Variants in DLG1 observed in about 807,000 individuals in gnomAD.
The protein encoded by DLG1 is discs large MAGUK scaffold protein 1.
In DLG1, 42 loss-of-function variants were observed where a neutral mutation model predicts 123.4. The ratio of observed to expected loss-of-function variants is 0.34; its 90% confidence interval spans 0.27 to 0.44. The LOEUF is 0.44. Among genes scored for constraint, DLG1 ranks in the 20% least tolerant of loss-of-function variants. DLG1 has a pLI of 1.00. For missense variants in DLG1, 942 were observed against 1,082.6 expected (o/e 0.87, Z 1.82); for synonymous variants, 317 against 356.2 (o/e 0.89, Z 1.24).
In DLG1 at chr3:197,068,499, G is replaced by A. The variant is rs1741304132; in HGVS notation, c.2047+720C>T. On this transcript the variant is annotated intron_variant, in intron 19 of 24. Transcript: ENST00000667157. ...ATTAGGGACTGATATTAACAGGATG[G>A]ACCTTTTGAGCAGCCATACTCATCT... 7 of 1,571,524 alleles carry A rather than the reference G, an allele frequency of 4.5e-6. No individual in the cohort carries two copies. In the South Asian group the frequency reaches 4.5e-5, roughly 10 times the overall value.
chr3:197,144,532 C>CTA (rs1364159106), intron 6 of DLG1, among the ~76,000 whole-genome samples: 1 of 152,166 alleles, frequency 6.6e-6, no homozygotes, highest in Non-Finnish European at 1.5e-5. Context: ...TTTTAAGCCC[C>CTA]TAAGCTTCAG....
At chr3:197,092,544 A>G (rs1375988909) in intron 14 of DLG1, among the ~76,000 whole-genome samples, 1 of 152,158 alleles carries the variant, frequency 6.6e-6, no homozygotes, top group Non-Finnish European at 1.5e-5. Flanking sequence ...CCTGTTGCCC[A>G]GGCTGGACTA....
chr3:197,070,930 G>T (rs1316992264), intron 18 of DLG1: 1 of 151,934 alleles, frequency 6.6e-6, no homozygotes, highest in Non-Finnish European at 1.5e-5. Context: ...CACCACATGG[G>T]CTTGACAGCA....
chr3:197,065,644 T>C (rs1264712488), intron 21 of DLG1, 64 bp downstream of exon 21: 9 of 1,244,596 alleles, frequency 7.2e-6, no homozygotes, highest in Non-Finnish European at 1.0e-5. Flanking sequence ...TATCTATTTT[T>C]CCCACACACA....
Position 197,043,099 on chromosome 3 carries a change from T to TAATA in DLG1, c.*1520_*1523dup, listed in dbSNP as rs1721107089. ...GCAATGGGAAGCCAAATATTATTAT[T>TAATA]AATATGAAGGACCAGAGAAACTGAT... On this transcript the variant is annotated 3_prime_UTR_variant, in exon 25 of 25. Coordinates refer to ENST00000667157, the MANE Select transcript of DLG1 (RefSeq NM_001366207.1). The TAATA allele has an allele frequency of 6.6e-6, 1 of 152,230 alleles. No homozygotes were observed. The highest frequency in any genetic ancestry group is 1.9e-4 in the East Asian group (1 of 5,202). 9.4% of individuals were successfully genotyped at this position (152,230 alleles called of 1,614,324 possible). A position where few individuals can be genotyped will look rare whatever the true frequency, so the allele number is the denominator to read the frequency against.
At chr3:197,272,835 G>C (rs963350173) in intron 4 of DLG1, among the ~76,000 whole-genome samples, 4 of 152,190 alleles carry the variant, frequency 2.6e-5, no homozygotes, top group Non-Finnish European at 5.9e-5. Context: ...AGGAAGAGGG[G>C]ATAGGTAGTA....
chr3:197,103,186 T>C (rs1177122139), intron 14 of DLG1, among the ~76,000 whole-genome samples: 2 of 152,236 alleles, frequency 1.3e-5, no homozygotes, highest in Non-Finnish European at 2.9e-5. Flanking sequence ...AAGGAGTCTT[T>C]ACCTCTACTT....
At chr3:197,229,781 A>T (rs553478430) in intron 4 of DLG1, among the ~76,000 whole-genome samples, 1 of 152,366 alleles carries the variant, frequency 6.6e-6, no homozygotes, top group East Asian at 1.9e-4. Context: ...TACCTTAACA[A>T]GCGTAATCGC....
At chr3:197,254,347 A>G (rs1294935180) in intron 4 of DLG1, among the ~76,000 whole-genome samples, 1 of 152,218 alleles carries the variant, frequency 6.6e-6, no homozygotes, top group African/African-American at 2.4e-5. Context: ...TCCCACCCTC[A>G]TGACAGCTGA....
At chr3:197,078,091 C>T (rs1361751301) in intron 17 of DLG1, among the ~76,000 whole-genome samples, 1 of 149,188 alleles carries the variant, frequency 6.7e-6, no homozygotes, top group Non-Finnish European at 1.5e-5. Context: ...GCAGGAGGAT[C>T]GCTTGAGGCC....
chr3:197,152,636 G>A (rs991865256), intron 5 of DLG1, among the ~76,000 whole-genome samples: 2 of 151,516 alleles, frequency 1.3e-5, no homozygotes, highest in South Asian at 2.1e-4. Flanking sequence ...CGTGGCAGGC[G>A]CCTGTAGTCC....
intron 24 of DLG1, among the ~76,000 whole-genome samples, chr3:197,049,142 CCCT>C (rs1725479095): frequency 2.0e-5 from 3 of 151,024 alleles, no homozygotes; most frequent in Admixed American, 2.0e-4. Context: ...AACCCTGTAA[CCCT>C]GTCTCTACTA....
chr3:197,196,171 C>CAA (rs71162001), intron 4 of DLG1, among the ~76,000 whole-genome samples: 159 of 88,656 alleles, frequency 1.8e-3, no homozygotes, highest in East Asian at 3.0e-3. Flanking sequence ...AAATGCACAC[C>CAA]AAAAAAAAAA....
chr3:197,137,243 T>A (rs1482979767), intron 9 of DLG1, among the ~76,000 whole-genome samples: 1 of 152,230 alleles, frequency 6.6e-6, no homozygotes, highest in African/African-American at 2.4e-5. Flanking sequence ...TGAAGCCACA[T>A]ATTGAAACTA....
intron 11 of DLG1, among the ~76,000 whole-genome samples, chr3:197,124,937 A>G (rs951547886): frequency 6.6e-6 from 1 of 152,212 alleles, no homozygotes; most frequent in Non-Finnish European, 1.5e-5. Context: ...GGATTTGATT[A>G]TGCAAGAGAG....
intron 9 of DLG1, among the ~76,000 whole-genome samples, chr3:197,137,956 G>T (rs886592006): frequency 6.8e-6 from 1 of 146,336 alleles, no homozygotes; most frequent in African/African-American, 2.5e-5. Flanking sequence ...AGGGTGACAG[G>T]GCAAAACCCT....
intron 18 of DLG1, chr3:197,069,604 T>C (rs1394642437): frequency 1.2e-5 from 2 of 168,620 alleles, no homozygotes; most frequent in Non-Finnish European, 2.5e-5. Context: ...TATTTCAGTT[T>C]TTGAAACAGC....
intron 4 of DLG1, among the ~76,000 whole-genome samples, chr3:197,252,568 G>A (rs1754971512): frequency 6.6e-6 from 1 of 152,146 alleles, no homozygotes; most frequent in South Asian, 2.1e-4. Context: ...TGATGGCTGA[G>A]GGAATGAGGA....
rs541763670 is a variant in DLG1, at chr3:197,047,227, T to C, written c.2576-2498A>G. On this transcript the variant is annotated intron_variant, in intron 24 of 24. Coordinates refer to ENST00000667157, the MANE Select transcript of DLG1 (RefSeq NM_001366207.1). ...ATTCTATAAGGGAATATCCCTGTTT[T>C]TTAGAAAATACACACTGAAATATTT... Among the ~76,000 whole-genome samples the C allele has an allele frequency of 3.3e-5, 5 of 152,312 alleles. No individual in the cohort carries two copies. In the South Asian group the frequency reaches 8.3e-4, roughly 25 times the overall value.
Sources: gnomAD v4.1 joint callset for allele counts (sites outside exome capture counted in the v4.1 genomes callset) on GRCh38, gnomAD v4.1.1 for gene constraint, MANE v1.5 for transcripts, NCBI Gene and HGNC (gene_info 2026-07-23, HGNC 2026-07-21) for gene names.